Variants in MYO15A observed in about 807,000 individuals in gnomAD.
The protein encoded by MYO15A is myosin XVA, also known as unconventional myosin-XV.
MYO15A carries 308 observed loss-of-function variants against 394.6 expected under a neutral mutation model. The ratio of observed to expected loss-of-function variants is 0.78; its 90% CI spans 0.71 to 0.86. MYO15A has a LOEUF of 0.86. Among genes scored for constraint, MYO15A ranks in the 40% least tolerant of loss-of-function variants. The probability of loss-of-function intolerance (pLI) is 0.00; values close to 1 mark genes in which losing one functional copy is unlikely to be tolerated. For missense variants in MYO15A, 4,606 were observed against 4,799.1 expected (o/e 0.96, Z 1.19); for synonymous variants, 1,957 against 2,003.8 (o/e 0.98, Z 0.62).
At chr17:18,157,558 T>C in intron 50 of MYO15A, 164 bp from the exon 51 acceptor site, 2 of 1,380,632 alleles carry the variant, frequency 1.4e-6, no homozygotes, top group Non-Finnish European at 1.9e-6. Context: ...AATCCCTTTC[T>C]TTCCCTGAGC....
At chr17:18,142,039 C>G in intron 23 of MYO15A, 40 bp from the exon 24 acceptor site, 3 of 1,608,062 alleles carry the variant, frequency 1.9e-6, no homozygotes, top group African/African-American at 2.7e-5. Flanking sequence ...GTCCAGCCTC[C>G]TGGCTCCTAT....
At chr17:18,146,949 G>T (rs146993684) in intron 30 of MYO15A, among the ~76,000 whole-genome samples, 3 of 152,226 alleles carry the variant, frequency 2.0e-5, no homozygotes, top group Admixed American at 6.5e-5. Context: ...ATGGCATAAT[G>T]ATAATACCTA....
At chr17:18,176,301 G>A (rs1027188968) in intron 65 of MYO15A, among the ~76,000 whole-genome samples, 2 of 152,124 alleles carry the variant, frequency 1.3e-5, no homozygotes, top group South Asian at 4.1e-4. Flanking sequence ...GCCTCACGAA[G>A]CTTTTACTCA....
chr17:18,178,673 C>A, intron 65 of MYO15A, 96 bp from the exon 66 acceptor site: 1 of 1,206,314 alleles, frequency 8.3e-7, no homozygotes, highest in Non-Finnish European at 1.2e-6. Context: ...ATGGTCTCCA[C>A]CTATCTCCCA....
In MYO15A at chr17:18,145,890, G is replaced by A. The variant is rs727503311; in HGVS notation, c.6292G>A (p.Asp2098Asn). 3.7e-6 allele frequency: 6 copies of A among 1,613,216 alleles called. No homozygotes were observed. Among genetic ancestry groups the A allele is most frequent in the Admixed American group, 1.7e-5 (1 of 59,978 alleles). The change falls in exon 30 of 66, where the codon GAC becomes AAC. Residue 2098 changes from aspartate (D) to asparagine (N), a missense_variant. Around this residue, in one of 2 missense-constraint regions of MYO15A, gnomAD observed 2,776 missense variants for 3,109.3 expected, o/e 0.89. Transcript: ENST00000647165. ...IFKLILRFMG[D>N]PHLHGARENI... is the part of the protein sequence containing the mutation. ...GGCCCAGATCCTGCGCTTCATGGGC[G>A]ACCCCCACCTGCATGGTGCCCGGGA... is the stretch of plus-strand genomic sequence containing the variant.
At position 18,148,580 on chromosome 17, in the gene MYO15A, G is replaced by A; in HGVS notation, c.6764+12G>A. On this transcript the variant is annotated intron_variant, in intron 32 of 65. Transcript: ENST00000647165. The surrounding 1 kb of genome is among the most constrained non-coding windows in gnomAD (Gnocchi z 4.8). ...ATTCTGAGGCACAGGTTGGCTCCTA[G>A]GATGCCCTCCCAGCACACTCTTATG... 1 of 1,551,270 alleles carries A rather than the reference G, an allele frequency of 6.4e-7. No homozygotes were observed. The highest frequency in any genetic ancestry group is 1.2e-5 in the South Asian group (1 of 84,054).
Position 18,121,108 on chromosome 17 carries a change from TG to T in MYO15A, c.2310del (p.Trp770CysfsTer11). On this transcript the variant is annotated frameshift_variant, in exon 2 of 66. Coordinates refer to ENST00000647165, the MANE Select transcript of MYO15A (RefSeq NM_016239.4). LOFTEE classifies it high-confidence loss of function. The surrounding 1 kb of genome is among the most constrained non-coding windows in gnomAD (Gnocchi z 5.3). ...ASPRASRRRA[W>X]SPLASPQPSL... Reference sequence around the variant, plus strand: ...TCCACGGGCGTCGCGGAGGCGAGCTTGGTCACCGCTGGCCTCGCCCCAGCCC... The same window carrying T: ...TCCACGGGCGTCGCGGAGGCGAGCTTGTCACCGCTGGCCTCGCCCCAGCCC... 6.7e-7 allele frequency: 1 copy of T among 1,503,612 alleles called. No individual in the cohort carries two copies. Among genetic ancestry groups the T allele is most frequent in the Non-Finnish European group, 8.8e-7 (1 of 1,130,738 alleles). The allele number at this position is 1,503,612 out of a possible 1,614,324, so 93.1% of individuals were successfully genotyped here. A position where few individuals can be genotyped will look rare whatever the true frequency, so the allele number is the denominator to read the frequency against.
intron 1 of MYO15A, among the ~76,000 whole-genome samples, chr17:18,113,305 C>T (rs2045744621): frequency 6.6e-6 from 1 of 152,116 alleles, no homozygotes; most frequent in African/African-American, 2.4e-5. Context: ...GTGCTTGCCA[C>T]CTGTAATTTT....
At position 18,143,950 on chromosome 17, in the gene MYO15A, C is replaced by T; in HGVS notation, c.6127C>T (p.Leu2043=). ...GGCTGAGCCCCGTGTCACACTGCCC[C>T]TGGACATCAACAACTATCCTATGGC... ...LQAEPRVTLP[L]DINNYPMAKF... The change falls in exon 28 of 66, where the codon CTG becomes TTG. Residue 2043 remains leucine, a synonymous_variant. Transcript: ENST00000647165. 2.5e-6 allele frequency: 4 copies of T among 1,612,754 alleles called. No homozygotes were observed. The South Asian group carries it at 4.4e-5, about 18-fold the overall frequency.
chr17:18,140,731 G>A (rs186652992), intron 20 of MYO15A, 56 bp from the exon 21 acceptor site: 1 of 1,614,162 alleles, frequency 6.2e-7, no homozygotes, highest in Non-Finnish European at 8.5e-7. Flanking sequence ...GACCCTCAGA[G>A]GTTGAGCGCC....
Position 18,126,798 on chromosome 17 carries a change from T to C in MYO15A, c.3874T>C (p.Phe1292Leu), listed in dbSNP as rs1157820312. The change falls in exon 6 of 66, where the codon TTT becomes CTT. Residue 1292 changes from phenylalanine to leucine, a missense_variant. Coordinates refer to ENST00000647165, the MANE Select transcript of MYO15A (RefSeq NM_016239.4). ...RALGENPPHL[F>L]AVANLAFAKM... The stretch of plus-strand genomic sequence containing the variant: ...AATGACCTGTCTCCCCAGGCACCTC[T>C]TTGCTGTTGCAAATCTCGCCTTCGC... 2 of 1,613,414 alleles carry C rather than the reference T, an allele frequency of 1.2e-6. No homozygotes were observed. Among genetic ancestry groups the C allele is most frequent in the Non-Finnish European group, 8.5e-7 (1 of 1,179,848 alleles).
At chr17:18,149,139 C>T in intron 33 of MYO15A, 77 bp from the exon 34 acceptor site, 1 of 1,578,754 alleles carries the variant, frequency 6.3e-7, no homozygotes, top group Non-Finnish European at 8.6e-7. Flanking sequence ...CCACTGAATA[C>T]CAGGGTGCAG....
At chr17:18,140,765 G>A in intron 20 of MYO15A, 22 bp from the exon 21 acceptor site, 4 of 1,614,162 alleles carry the variant, frequency 2.5e-6, no homozygotes, top group Non-Finnish European at 3.4e-6. Context: ...GCCTCATGCT[G>A]TCCTCTTCCT....
In MYO15A at chr17:18,163,857, G is replaced by A; in HGVS notation, c.9787+19G>A. The stretch of plus-strand genomic sequence containing the variant: ...AACCGTGGTGAGTGCCAGGAAGACT[G>A]AGCATGCTGGGCCCATTCCCATCCC... On this transcript the variant is annotated intron_variant, in intron 60 of 65. Coordinates refer to ENST00000647165, the MANE Select transcript of MYO15A (RefSeq NM_016239.4). The A allele has an allele frequency of 1.2e-6, 2 of 1,609,478 alleles. No individual in the cohort carries two copies. Among genetic ancestry groups the A allele is most frequent in the Non-Finnish European group, 1.7e-6 (2 of 1,177,218 alleles).
Position 18,150,399 on chromosome 17 carries a change from A to T in MYO15A, c.7213-30A>T. 3.1e-6 allele frequency: 5 copies of T among 1,593,330 alleles called. No homozygotes were observed. The highest frequency in any genetic ancestry group is 4.3e-6 in the Non-Finnish European group (5 of 1,161,398). On this transcript the variant is annotated intron_variant, in intron 35 of 65. Transcript: ENST00000647165. This position sits in a 1 kb window ranked among gnomAD's most constrained non-coding sequence, Gnocchi z 4.4. ...GGAACCTTGGGAGTACAATAATGAG[A>T]TGGTCACTTGAGCCACCCACTGCCC... is the stretch of plus-strand genomic sequence containing the variant.
intron 65 of MYO15A, chr17:18,176,520 TCTTTTCTTTTTTTTA>T (rs1237825817): frequency 1.3e-5 from 2 of 150,430 alleles, no homozygotes; most frequent in East Asian, 1.9e-4. Context: ...ACATTTCTTC[TCTTTTCTTTTTTTTA>T]CTTTTCTTTT....
At chr17:18,125,136 G>A (rs1242200082) in intron 3 of MYO15A, 32 bp from the exon 4 acceptor site, 3 of 1,609,802 alleles carry the variant, frequency 1.9e-6, no homozygotes, top group Non-Finnish European at 2.6e-6. Flanking sequence ...CAGCCCTGGG[G>A]GCACTGACGG....
At chr17:18,137,999 A>T in intron 16 of MYO15A, 116 bp from the exon 17 acceptor site, 1 of 1,340,906 alleles carries the variant, frequency 7.5e-7, no homozygotes, top group Admixed American at 2.3e-5. Flanking sequence ...CTGTTCTGGG[A>T]GGTATGCAAG....
chr17:18,142,680 C>A, intron 24 of MYO15A, 76 bp from the exon 25 acceptor site: 1 of 1,305,138 alleles, frequency 7.7e-7, no homozygotes, highest in Non-Finnish European at 1.1e-6. Flanking sequence ...GCCAGGCTGG[C>A]AAGGGCCTCT....
Sources: allele counts gnomAD v4.1 joint callset (sites outside exome capture counted in the v4.1 genomes callset), GRCh38; gene constraint gnomAD v4.1.1; regional missense constraint gnomAD v4.1.1; non-coding constraint Gnocchi (gnomAD v3.1); transcripts MANE v1.5; gene names NCBI Gene and HGNC (gene_info 2026-07-23, HGNC 2026-07-21).